Variants in MCTP1 observed in about 807,000 individuals in gnomAD.
MCTP1 encodes the protein multiple C2 and transmembrane domain containing 1.
In MCTP1, 69 loss-of-function variants were observed where a neutral mutation model predicts 120.6. The ratio of observed to expected loss-of-function variants is 0.57; its 90% CI spans 0.47 to 0.70. MCTP1 has a LOEUF of 0.70. MCTP1 is among the 30% of genes least tolerant of loss of function. The pLI, the probability that MCTP1 is intolerant of heterozygous loss-of-function variation, is 0.00. For missense variants in MCTP1, 1,203 were observed against 1,248.8 expected (o/e 0.96, Z 0.55); for synonymous variants, 529 against 493.1 (o/e 1.07, Z -0.96).
intron 17 of MCTP1, among the ~76,000 whole-genome samples, chr5:94,853,114 G>A (rs1037163083): frequency 2.0e-5 from 3 of 151,798 alleles, no homozygotes; most frequent in African/African-American, 7.3e-5. Context: ...ATTTATGTTG[G>A]GCAACTTAAA....
At chr5:94,716,640 G>A (rs1309981695) in intron 19 of MCTP1, among the ~76,000 whole-genome samples, 1 of 152,066 alleles carries the variant, frequency 6.6e-6, no homozygotes, top group East Asian at 1.9e-4. Context: ...TACAATGAAA[G>A]TCCATTGAGA....
chr5:95,041,112 T>C (rs1221883821), intron 1 of MCTP1, among the ~76,000 whole-genome samples: 3 of 151,988 alleles, frequency 2.0e-5, no homozygotes, highest in Non-Finnish European at 2.9e-5. Flanking sequence ...GCAACCCAAT[T>C]ATGAAATAGC....
chr5:94,887,861 G>A (rs542189621), intron 12 of MCTP1, among the ~76,000 whole-genome samples: 1 of 152,216 alleles, frequency 6.6e-6, no homozygotes, highest in South Asian at 2.1e-4. Flanking sequence ...TCATTTGAAG[G>A]CATGTTACCT....
At chr5:95,234,327 A>T (rs1160767075) in intron 1 of MCTP1, among the ~76,000 whole-genome samples, 1 of 152,238 alleles carries the variant, frequency 6.6e-6, no homozygotes, top group Non-Finnish European at 1.5e-5. Flanking sequence ...TTATATTCCA[A>T]AGGGTAATAA....
At chr5:94,972,320 T>C (rs1027655439) in intron 2 of MCTP1, among the ~76,000 whole-genome samples, 1 of 152,010 alleles carries the variant, frequency 6.6e-6, no homozygotes, top group African/African-American at 2.4e-5. Flanking sequence ...CTATGGATCC[T>C]AATTTGTCTT....
At chr5:94,963,860 T>C (rs1483712969) in intron 2 of MCTP1, among the ~76,000 whole-genome samples, 1 of 152,196 alleles carries the variant, frequency 6.6e-6, no homozygotes, top group Non-Finnish European at 1.5e-5. Flanking sequence ...GCCTGTGCTT[T>C]TGGCATCATA....
chr5:95,236,308 T>C (rs1755539060), intron 1 of MCTP1, among the ~76,000 whole-genome samples: 2 of 152,342 alleles, frequency 1.3e-5, no homozygotes, highest in African/African-American at 4.8e-5. Flanking sequence ...ATTCATTCTG[T>C]TTTTAGAAGA....
intron 1 of MCTP1, among the ~76,000 whole-genome samples, chr5:95,192,040 A>G (rs1340243237): frequency 6.6e-6 from 1 of 152,024 alleles, no homozygotes; most frequent in Non-Finnish European, 1.5e-5. Flanking sequence ...AATTAGATAC[A>G]TTCACAATTT....
chr5:95,170,507 G>T (rs1747108892), intron 1 of MCTP1, among the ~76,000 whole-genome samples: 1 of 152,220 alleles, frequency 6.6e-6, no homozygotes, highest in South Asian at 2.1e-4. Context: ...GTTGACAGTG[G>T]GGTGTTAAAG....
chr5:94,843,991 T>G lies in MCTP1; in HGVS notation c.2436+24342A>C, dbSNP rs111260206. ...CTCAGGCTGTAGAATAGACACCAAGTACCAAAAAGGACTGTGAAAGGACAC... is the reference window on the plus strand; with the variant it reads ...CTCAGGCTGTAGAATAGACACCAAGGACCAAAAAGGACTGTGAAAGGACAC... On this transcript the variant is annotated intron_variant, in intron 17 of 22. Transcript: ENST00000515393. Among the ~76,000 whole-genome samples the G allele has an allele frequency of 7.1e-3, 1,085 of 152,194 alleles. 20 individuals are homozygous for G. The highest frequency in any genetic ancestry group is 0.025 in the African/African-American group (1,038 of 41,548).
intron 19 of MCTP1, among the ~76,000 whole-genome samples, chr5:94,757,892 T>G (rs147751812): frequency 6.6e-6 from 1 of 151,770 alleles, no homozygotes; most frequent in African/African-American, 2.4e-5. Context: ...ACAACATGAG[T>G]GCACAGGGAA....
Position 95,284,599 on chromosome 5 carries a change from C to CCCCTCCTCCTCCTCCT in MCTP1, c.-40_-25dup. On this transcript the variant is annotated 5_prime_UTR_variant, in exon 1 of 23. Transcript: ENST00000515393. This position sits in a 1 kb window ranked among gnomAD's most constrained non-coding sequence, Gnocchi z 5.2. ...ATCCTCCACCCCCTGCTCCTCCTCT[C>CCCCTCCTCCTCCTCCT]CCCTCCTCCTCCTCCTCCTCCTCCT... is the stretch of plus-strand genomic sequence containing the variant. The CCCCTCCTCCTCCTCCT allele has an allele frequency of 7.2e-7, 1 of 1,395,012 alleles. No homozygotes were observed. Among genetic ancestry groups the CCCCTCCTCCTCCTCCT allele is most frequent in the Non-Finnish European group, 9.2e-7 (1 of 1,082,996 alleles). 86.4% of individuals were successfully genotyped at this position (1,395,012 alleles called of 1,614,324 possible). A position where few individuals can be genotyped will look rare whatever the true frequency, so the allele number is the denominator to read the frequency against.
chr5:94,942,214 T>C (rs1817891969), intron 4 of MCTP1, 134 bp downstream of exon 4: 1 of 595,380 alleles, frequency 1.7e-6, no homozygotes. Flanking sequence ...GAAGATGGAT[T>C]TGAGAAAGGC....
intron 6 of MCTP1, among the ~76,000 whole-genome samples, chr5:94,928,811 G>C (rs1216273671): frequency 6.6e-6 from 1 of 151,854 alleles, no homozygotes; most frequent in Non-Finnish European, 1.5e-5. Flanking sequence ...GTATTACTAA[G>C]TGGTAATACA....
At chr5:94,752,120 T>TATATATATAC (rs1253463048) in intron 19 of MCTP1, among the ~76,000 whole-genome samples, 1 of 62,008 alleles carries the variant, frequency 1.6e-5, no homozygotes, top group Non-Finnish European at 2.9e-5. Context: ...TATATATATA[T>TATATATATAC]ATATATATAT....
intron 19 of MCTP1, among the ~76,000 whole-genome samples, chr5:94,749,228 T>G (rs1767645818): frequency 6.6e-6 from 1 of 152,238 alleles, no homozygotes; most frequent in South Asian, 2.1e-4. Context: ...CACAGACAGA[T>G]GTACCCTTTG....
chr5:94,828,582 C>G (rs557051405), intron 17 of MCTP1, among the ~76,000 whole-genome samples: 2 of 152,340 alleles, frequency 1.3e-5, no homozygotes, highest in Admixed American at 1.3e-4. Context: ...GTGCTCTGAC[C>G]TGGAGAGGTG....
chr5:94,909,582 A>T (rs912636971), intron 9 of MCTP1, among the ~76,000 whole-genome samples: 5 of 152,094 alleles, frequency 3.3e-5, no homozygotes, highest in Non-Finnish European at 5.9e-5. Flanking sequence ...ATGGACCTCA[A>T]TGGATGTGTC....
chr5:95,106,181 G>A (rs1172364763), intron 1 of MCTP1, among the ~76,000 whole-genome samples: 1 of 152,206 alleles, frequency 6.6e-6, no homozygotes, highest in Non-Finnish European at 1.5e-5. Context: ...GATCACAGAT[G>A]GGCCATCGCA....
Sources: gnomAD v4.1 joint callset for allele counts (sites outside exome capture counted in the v4.1 genomes callset) on GRCh38, gnomAD v4.1.1 for gene constraint, Gnocchi (gnomAD v3.1) non-coding constraint, MANE v1.5 for transcripts, NCBI Gene and HGNC (gene_info 2026-07-23, HGNC 2026-07-21) for gene names.